PUM1: variants seen among roughly 807,000 people sequenced by gnomAD.
PUM1 encodes the protein pumilio RNA binding family member 1.
Under a neutral mutation model 131.8 loss-of-function variants are expected in PUM1, and 13 were observed. That is an observed-to-expected ratio of 0.10 (90% CI 0.06 to 0.16). PUM1 has a LOEUF of 0.16. PUM1 is among the 10% of genes least tolerant of loss of function. The pLI, the probability that PUM1 is intolerant of heterozygous loss-of-function variation, is 1.00. For synonymous variants in PUM1, 509 were observed against 556.5 expected (o/e 0.91, Z 1.20); for missense variants, 961 against 1,512.4 (o/e 0.64, Z 6.05).
At chr1:31,011,164 T>TACACACAC (rs138764103) in intron 3 of PUM1, among the ~76,000 whole-genome samples, 15,333 of 142,884 alleles carry the variant, frequency 0.11, 955 homozygotes, top group African/African-American at 0.17. Flanking sequence ...TCTCTTAAAA[T>TACACACAC]ACACACACAC....
intron 20 of PUM1, among the ~76,000 whole-genome samples, chr1:30,937,542 C>T (rs1168448833): frequency 1.3e-5 from 2 of 152,008 alleles, no homozygotes; most frequent in Non-Finnish European, 2.9e-5. Context: ...CTCAGCCTCC[C>T]AAAGTGCTGA....
chr1:31,022,942 G>T (rs1398915229), intron 3 of PUM1, among the ~76,000 whole-genome samples: 2 of 152,150 alleles, frequency 1.3e-5, no homozygotes, highest in African/African-American at 4.8e-5. Context: ...GCAGAGGCAG[G>T]TGGATCACTG....
At chr1:31,063,631 G>GA (rs1644414618) in intron 1 of PUM1, among the ~76,000 whole-genome samples, 1 of 151,916 alleles carries the variant, frequency 6.6e-6, no homozygotes, top group South Asian at 2.1e-4. Context: ...ATTTTTAAAA[G>GA]AAAAAAGTTA....
Position 30,952,361 on chromosome 1 carries a change from A to T in PUM1, c.2594T>A (p.Phe865Tyr), listed in dbSNP as rs1207413265. 6.2e-7 allele frequency: 1 copy of T among 1,613,830 alleles called. No homozygotes were observed. The highest frequency in any genetic ancestry group is 1.7e-5 in the Admixed American group (1 of 60,014). ...EFSQDQHGSRFIQLKLERATP... is the reference protein window; with the variant it reads ...EFSQDQHGSRYIQLKLERATP... ...GGCACGCTCCAGTTTCAGCTGAATG[A>T]ATCTGAAGTACAAAGTAAAAAGGGC... Residue 865 changes from phenylalanine (F) to tyrosine (Y), a missense_variant and splice_region_variant, in exon 16 of 22, where the codon TTC becomes TAC. Physicochemically the swap from Phe to Tyr is conservative, Grantham distance 22. Around this residue, in one of 4 missense-constraint regions of PUM1, gnomAD observed 117 missense variants for 200.7 expected, o/e 0.58. Transcript: ENST00000426105.
At chr1:30,987,069 C>T (rs1054685532) in intron 7 of PUM1, among the ~76,000 whole-genome samples, 2 of 152,006 alleles carry the variant, frequency 1.3e-5, no homozygotes, top group African/African-American at 4.8e-5. Context: ...GTGAAACATA[C>T]TACATTAGGC....
chr1:31,055,711 G>A (rs558567716), intron 2 of PUM1, among the ~76,000 whole-genome samples: 53 of 152,344 alleles, frequency 3.5e-4, no homozygotes, highest in African/African-American at 1.2e-3. Context: ...TAAGTCAGAT[G>A]TGATTCCTTA....
At chr1:31,009,336 C>T (rs1042836605) in intron 3 of PUM1, among the ~76,000 whole-genome samples, 1 of 152,148 alleles carries the variant, frequency 6.6e-6, no homozygotes, top group Non-Finnish European at 1.5e-5. Context: ...GAAAGAATGT[C>T]AGCCTAAGGA....
intron 2 of PUM1, chr1:31,036,948 TA>T: frequency 6.0e-6 from 1 of 166,692 alleles, no homozygotes; most frequent in Non-Finnish European, 1.3e-5. Flanking sequence ...TGAGAGAAGG[TA>T]AAGATACTGC....
intron 5 of PUM1, among the ~76,000 whole-genome samples, chr1:31,002,343 G>T (rs746685802): frequency 7.9e-5 from 12 of 152,128 alleles, no homozygotes; most frequent in Non-Finnish European, 1.6e-4. Flanking sequence ...CAAACAGAAA[G>T]ACCTTCCCAA....
intron 5 of PUM1, among the ~76,000 whole-genome samples, chr1:31,002,265 C>T (rs1459445298): frequency 6.6e-6 from 1 of 152,102 alleles, no homozygotes; most frequent in Non-Finnish European, 1.5e-5. Context: ...AGTTTCACGG[C>T]CCAAATAGAT....
chr1:30,935,205 C>T (rs1218436158), intron 21 of PUM1, among the ~76,000 whole-genome samples: 3 of 152,206 alleles, frequency 2.0e-5, no homozygotes, highest in Non-Finnish European at 4.4e-5. Flanking sequence ...CACCACACTC[C>T]TCCTCCACTG....
intron 2 of PUM1, among the ~76,000 whole-genome samples, chr1:31,047,186 C>G (rs1484892363): frequency 6.6e-6 from 1 of 152,012 alleles, no homozygotes; most frequent in Non-Finnish European, 1.5e-5. Context: ...GAGACCCAAT[C>G]TCAAAAAAAG....
At chr1:31,032,076 T>C (rs1643450291) in intron 2 of PUM1, among the ~76,000 whole-genome samples, 2 of 152,216 alleles carry the variant, frequency 1.3e-5, no homozygotes, top group Admixed American at 1.3e-4. Flanking sequence ...AGGCTCAACT[T>C]CTAAGAGTTT....
chr1:30,987,108 A>G (rs892939198), intron 7 of PUM1, among the ~76,000 whole-genome samples: 5 of 152,210 alleles, frequency 3.3e-5, no homozygotes, highest in African/African-American at 1.2e-4. Flanking sequence ...ATTCTAAATA[A>G]AGATCAACAA....
intron 3 of PUM1, among the ~76,000 whole-genome samples, chr1:31,011,879 G>A (rs1308618312): frequency 6.6e-6 from 1 of 152,178 alleles, no homozygotes; most frequent in East Asian, 1.9e-4. Context: ...ATTAAATGAT[G>A]TGACAATTCC....
At chr1:30,940,381 T>G (rs897569049) in intron 20 of PUM1, among the ~76,000 whole-genome samples, 1 of 151,932 alleles carries the variant, frequency 6.6e-6, no homozygotes, top group Non-Finnish European at 1.5e-5. Flanking sequence ...AAGCCTGAGG[T>G]AGGAGGATCG....
At chr1:31,017,054 A>T (rs188844725) in intron 3 of PUM1, among the ~76,000 whole-genome samples, 4 of 152,326 alleles carry the variant, frequency 2.6e-5, no homozygotes, top group Admixed American at 2.6e-4. Flanking sequence ...TGGGAAATCA[A>T]CACTGCTTTT....
At chr1:31,003,139 A>C (rs556221119) in intron 5 of PUM1, among the ~76,000 whole-genome samples, 3 of 152,286 alleles carry the variant, frequency 2.0e-5, no homozygotes, top group African/African-American at 7.2e-5. Context: ...TACTGGAATT[A>C]ATGTTGATAC....
chr1:30,969,869 T>C (rs1337940385), intron 10 of PUM1, among the ~76,000 whole-genome samples: 2 of 152,156 alleles, frequency 1.3e-5, no homozygotes, highest in African/African-American at 4.8e-5. Flanking sequence ...CACCATGTTG[T>C]TCAGGCTAAT....
Sources: allele counts gnomAD v4.1 joint callset (sites outside exome capture counted in the v4.1 genomes callset), GRCh38; gene constraint gnomAD v4.1.1; regional missense constraint gnomAD v4.1.1; transcripts MANE v1.5; gene names NCBI Gene and HGNC (gene_info 2026-07-23, HGNC 2026-07-21).